FANCM: variants seen among roughly 807,000 people sequenced by gnomAD.
The protein encoded by FANCM is FA complementation group M.
FANCM carries 140 observed loss-of-function variants against 199.5 expected under a neutral mutation model. The ratio of observed to expected loss-of-function variants is 0.70; its 90% CI spans 0.61 to 0.81. The LOEUF (loss-of-function observed/expected upper bound fraction) is 0.81, where lower values mean the gene tolerates loss of function less well. Among genes scored for constraint, FANCM ranks in the 30% least tolerant of loss-of-function variants. FANCM has a pLI of 0.00. For missense variants in FANCM, 2,410 were observed against 2,421.4 expected, an observed-to-expected ratio of 1.00 and a Z score of 0.10; for synonymous variants, 840 against 836.8, an observed-to-expected ratio of 1.00 and a Z score of -0.07.
Position 45,183,762 on chromosome 14 carries a change from G to T in FANCM, c.4387-12G>T, listed in dbSNP as rs776419214. ...TTTTTTCTTATGCAAGAATTTTGTC[G>T]AATTATTATAGTCAGAATTATCATC... On this transcript the variant is annotated splice_polypyrimidine_tract_variant and intron_variant, in intron 16 of 22. Transcript: ENST00000267430. The T allele has an allele frequency of 2.5e-6, 4 of 1,598,982 alleles. No individual in the cohort carries two copies. The highest frequency in any genetic ancestry group is 1.1e-5 in the South Asian group (1 of 89,774).
chr14:45,192,007 G>T (rs1199299866), intron 20 of FANCM, among the ~76,000 whole-genome samples: 1 of 151,790 alleles, frequency 6.6e-6, no homozygotes, highest in Non-Finnish European at 1.5e-5. Context: ...GTTCTTTAGG[G>T]CCATTTCCTC....
At position 45,198,645 on chromosome 14, in the gene FANCM, A is replaced by G; in HGVS notation, c.5718A>G (p.Gly1906=). ...VIVEKDREKT[G]DTSRMFRRTK... ...CTTTCCCTAAATATGAATATTTAGG[A>G]GACACATCAAGGATGTTTAGGAGAA... Residue 1906 remains glycine, a splice_region_variant and synonymous_variant, in exon 22 of 23, where the codon GGA becomes GGG. Transcript: ENST00000267430. 2.5e-6 allele frequency: 4 copies of G among 1,604,982 alleles called. No individual in the cohort carries two copies. Among genetic ancestry groups the G allele is most frequent in the Non-Finnish European group, 3.4e-6 (4 of 1,173,350 alleles).
Position 45,185,316 on chromosome 14 carries a change from G to C in FANCM, c.4615G>C (p.Asp1539His), listed in dbSNP as rs1455075300. Residue 1539 changes from aspartate to histidine, a missense_variant, in exon 18 of 23, where the codon GAT (aspartate) becomes CAT (histidine). Asp to His is a moderately conservative substitution (Grantham distance 81). Transcript: ENST00000267430. ...AAATGATGAGTCAGAAAATGAACAA[G>C]ATTCCTCATTACTTGACTTTTTAAA... Reference protein sequence around the residue: ...DENDESENEQDSSLLDFLNDE... With the variant: ...DENDESENEQHSSLLDFLNDE... 6.3e-7 allele frequency: 1 copy of C among 1,596,070 alleles called. No individual in the cohort carries two copies. Among genetic ancestry groups the C allele is most frequent in the South Asian group, 1.1e-5 (1 of 89,344 alleles).
At chr14:45,161,709 C>T (rs372455260) in intron 9 of FANCM, among the ~76,000 whole-genome samples, 4 of 151,746 alleles carry the variant, frequency 2.6e-5, no homozygotes, top group South Asian at 2.1e-4. Flanking sequence ...GCCCAGAGGT[C>T]GAAGCTCCAG....
chr14:45,199,387 A>C (rs182315438), intron 22 of FANCM, among the ~76,000 whole-genome samples: 1 of 152,286 alleles, frequency 6.6e-6, no homozygotes, highest in Admixed American at 6.5e-5. Flanking sequence ...AAACAACACA[A>C]ATTTATTTCT....
rs536852523 is a variant in FANCM at position 45,142,264 on chromosome 14, A to T, written c.759+1555A>T. Among the ~76,000 whole-genome samples the T allele has an allele frequency of 5.3e-5, 8 of 149,956 alleles. No homozygotes were observed. In the South Asian group the frequency reaches 1.7e-3, roughly 31 times the overall value. ...GTCTGTGATCTCACATTGTGTTGTC[A>T]TGGCTTCTTAGTCCCTTCTAATCTG... On this transcript the variant is annotated intron_variant, in intron 3 of 22. Transcript: ENST00000267430.
At chr14:45,155,214 A>G (rs1240486860) in intron 7 of FANCM, among the ~76,000 whole-genome samples, 159 bp from the exon 8 acceptor site, 2 of 152,168 alleles carry the variant, frequency 1.3e-5, no homozygotes, top group Non-Finnish European at 2.9e-5. Flanking sequence ...TTTTACAGTA[A>G]GACTTACGTG....
In FANCM at chr14:45,198,840, G is replaced by A. The variant is rs768666530; in HGVS notation, c.5913G>A (p.Glu1971=). The change falls in exon 22 of 23, where the codon GAG becomes GAA. Residue 1971 remains glutamate, a synonymous_variant. Transcript: ENST00000267430. Reference sequence around the variant, plus strand: ...CAGTGGTGAATAGTAATAAAAGTGAGGCACTCCAGTTTTATTTAAGTATTC... The same window carrying A: ...CAGTGGTGAATAGTAATAAAAGTGAAGCACTCCAGTTTTATTTAAGTATTC... ...VPTVVNSNKS[E]ALQFYLSIPN... is the part of the protein sequence containing the mutation. 2.5e-6 allele frequency: 4 copies of A among 1,611,634 alleles called. No individual in the cohort carries two copies. Among genetic ancestry groups the A allele is most frequent in the Non-Finnish European group, 3.4e-6 (4 of 1,177,840 alleles).
intron 11 of FANCM, 110 bp downstream of exon 11, chr14:45,167,273 A>G (rs1888052158): frequency 2.7e-6 from 2 of 728,154 alleles, no homozygotes; most frequent in Non-Finnish European, 4.9e-6. Context: ...GTTCTAATTA[A>G]TATATTATAG....
chr14:45,168,583 C>A (rs984013913), intron 11 of FANCM, among the ~76,000 whole-genome samples: 2 of 150,370 alleles, frequency 1.3e-5, no homozygotes. Context: ...CTTGTTTCTT[C>A]CCCTTTTCTC....
At chr14:45,147,904 C>CT (rs1555360396) in intron 3 of FANCM, among the ~76,000 whole-genome samples, 18 of 149,712 alleles carry the variant, frequency 1.2e-4, no homozygotes, top group African/African-American at 4.5e-4. Context: ...ACCGCCCCCC[C>CT]CCCAAAAAAA....
rs780259754 is a variant in FANCM, at chr14:45,135,982, C to CTGCT, written c.-49_-46dup. On this transcript the variant is annotated 5_prime_UTR_variant, in exon 1 of 23. An upstream open reading frame in the 5' UTR gains an earlier in-frame stop. Transcript: ENST00000267430. ...GGGGATCGGAACCGTAGCGGTTGAG[C>CTGCT]TGCTGCTGCTACGGATATCTGACAG... The CTGCT allele has an allele frequency of 6.3e-7, 1 of 1,593,104 alleles. No individual in the cohort carries two copies. The highest frequency in any genetic ancestry group is 8.6e-7 in the Non-Finnish European group (1 of 1,163,350).
At chr14:45,170,247 GA>G (rs1888252416) in intron 11 of FANCM, among the ~76,000 whole-genome samples, 1 of 152,198 alleles carries the variant, frequency 6.6e-6, no homozygotes, top group Non-Finnish European at 1.5e-5. Flanking sequence ...GTAATAAACT[GA>G]GTGGTTTTTT....
At chr14:45,144,952 C>G (rs1338130869) in intron 3 of FANCM, among the ~76,000 whole-genome samples, 1 of 151,986 alleles carries the variant, frequency 6.6e-6, no homozygotes, top group Non-Finnish European at 1.5e-5. Context: ...TCACTGGAAG[C>G]CAGCATGTCT....
chr14:45,158,248 CA>C (rs1380127707), intron 8 of FANCM, among the ~76,000 whole-genome samples: 1 of 152,014 alleles, frequency 6.6e-6, no homozygotes, highest in Non-Finnish European at 1.5e-5. Context: ...AATAATTAGC[CA>C]ATTACTATAT....
chr14:45,185,208 C>T lies in FANCM; in HGVS notation c.4516-9C>T. On this transcript the variant is annotated splice_polypyrimidine_tract_variant and intron_variant, in intron 17 of 22. Coordinates refer to ENST00000267430, the MANE Select transcript of FANCM (RefSeq NM_020937.4). Reference sequence around the variant, plus strand: ...GATATCTTCATGTTTTCTAATTTGTCTTACTTAGCATGTAGCTAGGAAGTT... The same window carrying T: ...GATATCTTCATGTTTTCTAATTTGTTTTACTTAGCATGTAGCTAGGAAGTT... 8.7e-7 allele frequency: 1 copy of T among 1,154,870 alleles called. No homozygotes were observed. Among genetic ancestry groups the T allele is most frequent in the Non-Finnish European group, 1.1e-6 (1 of 885,764 alleles). The allele number at this position is 1,154,870 out of a possible 1,614,324, so 71.5% of individuals were successfully genotyped here. A position where few individuals can be genotyped will look rare whatever the true frequency, so the allele number is the denominator to read the frequency against.
chr14:45,140,615 AC>A lies in FANCM; in HGVS notation c.682-16del. 2 of 1,425,042 alleles carry A rather than the reference AC, an allele frequency of 1.4e-6. No homozygotes were observed. The highest frequency in any genetic ancestry group is 2.0e-6 in the Non-Finnish European group (2 of 1,010,884). The allele number at this position is 1,425,042 out of a possible 1,614,324, so 88.3% of individuals were successfully genotyped here. A position where few individuals can be genotyped will look rare whatever the true frequency, so the allele number is the denominator to read the frequency against. On this transcript the variant is annotated splice_polypyrimidine_tract_variant and intron_variant, in intron 2 of 22. Coordinates refer to ENST00000267430, the MANE Select transcript of FANCM (RefSeq NM_020937.4). The stretch of plus-strand genomic sequence containing the variant: ...TGCATTGAACAGATGAAACTAAAGA[AC>A]TTTTTTTTTCTTAAGGTTGTAAGAG...
chr14:45,150,175 T>G (rs1374929490), intron 4 of FANCM, among the ~76,000 whole-genome samples: 4 of 152,244 alleles, frequency 2.6e-5, no homozygotes, highest in African/African-American at 9.6e-5. Flanking sequence ...AAGCCTTTCT[T>G]AAAGAGACAT....
intron 2 of FANCM, among the ~76,000 whole-genome samples, chr14:45,139,097 C>A (rs1355200921): frequency 6.6e-6 from 1 of 152,154 alleles, no homozygotes; most frequent in Non-Finnish European, 1.5e-5. Context: ...TTTTGTCTTC[C>A]TTACTGCACT....
Sources: gnomAD v4.1 joint callset for allele counts (sites outside exome capture counted in the v4.1 genomes callset) on GRCh38, gnomAD v4.1.1 for gene constraint, MANE v1.5 for transcripts, NCBI Gene and HGNC (gene_info 2026-07-23, HGNC 2026-07-21) for gene names.